The following SEL1L2 variants were observed in gnomAD, a reference collection of about 807,000 sequenced individuals.
SEL1L2 encodes protein sel-1 homolog 2.
In SEL1L2, 89 loss-of-function variants were observed where a neutral mutation model predicts 98.8. The ratio of observed to expected loss-of-function variants is 0.90; its 90% CI spans 0.76 to 1.07. The LOEUF (loss-of-function observed/expected upper bound fraction) is 1.07, where lower values mean the gene tolerates loss of function less well. Among genes scored for constraint, SEL1L2 ranks in the 50% least tolerant of loss-of-function variants. The pLI is 0.00. For missense variants in SEL1L2, 788 were observed against 812.0 expected (o/e 0.97, Z 0.36); for synonymous variants, 262 against 278.5 (o/e 0.94, Z 0.59).
In SEL1L2 at chr20:13,919,058, C is replaced by T; in HGVS notation, c.349G>A (p.Val117Ile). ...GDQLFKMGIK[V>I]LQQSKSQKQK... ...TTTTGGCTTTTAGACTGCTGGAGAA[C>T]CTTGATGCCCATCTTAAATAGCTGG... is the stretch of plus-strand genomic sequence containing the variant. Residue 117 changes from valine (V) to isoleucine (I), a missense_variant, in exon 4 of 20, where the codon GTT becomes ATT. By Grantham distance (29) the Val-to-Ile change is conservative. Transcript: ENST00000284951. 6.2e-7 allele frequency: 1 copy of T among 1,613,776 alleles called. No homozygotes were observed. The highest frequency in any genetic ancestry group is 8.5e-7 in the Non-Finnish European group (1 of 1,179,870).
intron 1 of SEL1L2, among the ~76,000 whole-genome samples, chr20:13,968,285 C>T (rs1016337859): frequency 1.3e-5 from 2 of 152,190 alleles, no homozygotes; most frequent in Non-Finnish European, 2.9e-5. Flanking sequence ...AATATTCCTT[C>T]CAGAAGCCTA....
intron 5 of SEL1L2, among the ~76,000 whole-genome samples, chr20:13,890,694 A>G (rs888128463): frequency 3.3e-5 from 5 of 152,194 alleles, no homozygotes; most frequent in African/African-American, 1.2e-4. Context: ...AACACCAAAT[A>G]ATGACTTACC....
intron 1 of SEL1L2, among the ~76,000 whole-genome samples, chr20:13,969,831 A>G (rs572093015): frequency 1.3e-5 from 2 of 152,308 alleles, no homozygotes; most frequent in South Asian, 4.1e-4. Context: ...CTTAATACAT[A>G]TCTGTTAAGT....
In SEL1L2 at chr20:13,887,937, C is replaced by T; in HGVS notation, c.663+5G>A. On this transcript the variant is annotated splice_donor_5th_base_variant and intron_variant, in intron 7 of 19. Transcript: ENST00000284951. ...TTTGGTTCCAAGAATATTTTGTTTACAAACCAAAATCATCTGGGACATCAT... is the reference window on the plus strand; with the variant it reads ...TTTGGTTCCAAGAATATTTTGTTTATAAACCAAAATCATCTGGGACATCAT... 3 of 1,613,210 alleles carry T rather than the reference C, an allele frequency of 1.9e-6. No homozygotes were observed. The highest frequency in any genetic ancestry group is 1.1e-5 in the South Asian group (1 of 91,062).
intron 10 of SEL1L2, among the ~76,000 whole-genome samples, chr20:13,878,709 T>C (rs1377860890): frequency 6.6e-6 from 1 of 152,198 alleles, no homozygotes; most frequent in African/African-American, 2.4e-5. Context: ...CATTCATCCA[T>C]CCAGCTCTTC....
chr20:13,890,006 T>C (rs1433874855), intron 5 of SEL1L2, among the ~76,000 whole-genome samples: 1 of 152,202 alleles, frequency 6.6e-6, no homozygotes, highest in Non-Finnish European at 1.5e-5. Flanking sequence ...AAAAGCCTTT[T>C]TGAGAACTCC....
At chr20:13,974,156 T>C (rs776112400) in intron 1 of SEL1L2, among the ~76,000 whole-genome samples, 6 of 152,204 alleles carry the variant, frequency 3.9e-5, no homozygotes, top group Non-Finnish European at 7.3e-5. Flanking sequence ...GGTGCAGGGC[T>C]GGGGCCAGGA....
chr20:13,961,995 A>G (rs993438927), intron 1 of SEL1L2, among the ~76,000 whole-genome samples: 2 of 152,210 alleles, frequency 1.3e-5, no homozygotes, highest in African/African-American at 4.8e-5. Context: ...AGGTGCCTGA[A>G]TTAAAGAACT....
intron 1 of SEL1L2, among the ~76,000 whole-genome samples, chr20:13,986,761 G>T (rs896346354): frequency 3.6e-4 from 55 of 152,150 alleles, no homozygotes; most frequent in African/African-American, 1.3e-3. Flanking sequence ...ATTTCTCTTG[G>T]TTATATACCT....
At chr20:13,870,226 AG>A in intron 12 of SEL1L2, 23 bp from the exon 13 acceptor site, 4 of 1,575,918 alleles carry the variant, frequency 2.5e-6, no homozygotes, top group Non-Finnish European at 3.5e-6. Flanking sequence ...TATAAAGCCA[AG>A]TAAAGTCCCA....
At chr20:13,930,707 T>G (rs1218539485) in intron 3 of SEL1L2, among the ~76,000 whole-genome samples, 3 of 152,136 alleles carry the variant, frequency 2.0e-5, no homozygotes, top group Admixed American at 2.0e-4. Context: ...AGCTGGACTC[T>G]CAGAAAAAAA....
At chr20:13,915,126 T>C (rs2048349322) in intron 4 of SEL1L2, 1 of 1,289,576 alleles carries the variant, frequency 7.8e-7, no homozygotes, top group Non-Finnish European at 1.0e-6. Context: ...CTCACCTTTA[T>C]GTACAGCCCA....
In SEL1L2 at chr20:13,989,038, TAAAG is replaced by T. The variant is rs1415757491; in HGVS notation, c.58+1435_58+1438del. On this transcript the variant is annotated intron_variant, in intron 1 of 19. Coordinates refer to ENST00000284951, the MANE Select transcript of SEL1L2 (RefSeq NM_025229.2). ...CAAAATAAATAAATAAACAAATAAA[TAAAG>T]ATTGTGTTGAATATGTAGATCAATT... 2.6e-5 allele frequency among the ~76,000 whole-genome samples: 4 copies of T among 152,148 alleles called. No homozygotes were observed. In the South Asian group the frequency reaches 6.2e-4, roughly 24 times the overall value.
At chr20:13,891,913 G>T (rs1469146103) in intron 5 of SEL1L2, among the ~76,000 whole-genome samples, 1 of 152,000 alleles carries the variant, frequency 6.6e-6, no homozygotes, top group Admixed American at 6.6e-5. Flanking sequence ...TCTATGAAAA[G>T]GTATGTATGT....
chr20:13,917,941 A>G (rs1446621967), intron 4 of SEL1L2, among the ~76,000 whole-genome samples: 1 of 151,220 alleles, frequency 6.6e-6, no homozygotes, highest in East Asian at 1.9e-4. Flanking sequence ...TTGGGATTAC[A>G]GGTGCGCGCC....
chr20:13,862,614 G>T (rs945492771), intron 17 of SEL1L2, among the ~76,000 whole-genome samples: 33 of 152,186 alleles, frequency 2.2e-4, no homozygotes, highest in South Asian at 6.2e-4. Flanking sequence ...ACTTCAAAAA[G>T]ATGTAATACC....
At chr20:13,875,970 G>T in intron 12 of SEL1L2, 68 bp downstream of exon 12, 1 of 1,206,434 alleles carries the variant, frequency 8.3e-7, no homozygotes, top group African/African-American at 1.5e-5. Flanking sequence ...TCAATTCTTT[G>T]GCACCAGTCT....
At chr20:13,980,490 G>A (rs1022702061) in intron 1 of SEL1L2, among the ~76,000 whole-genome samples, 9 of 152,150 alleles carry the variant, frequency 5.9e-5, no homozygotes, top group South Asian at 2.1e-4. Flanking sequence ...TTACAGGTGT[G>A]AGACACCACA....
At chr20:13,856,885 G>C (rs1416326226) in intron 18 of SEL1L2, among the ~76,000 whole-genome samples, 1 of 152,176 alleles carries the variant, frequency 6.6e-6, no homozygotes, top group Non-Finnish European at 1.5e-5. Context: ...TAATAAAGAG[G>C]ATTGCAAAGT....
Sources: gnomAD v4.1 joint callset for allele counts (sites outside exome capture counted in the v4.1 genomes callset) on GRCh38, gnomAD v4.1.1 for gene constraint, MANE v1.5 for transcripts, NCBI Gene and HGNC (gene_info 2026-07-23, HGNC 2026-07-21) for gene names.